The following BMP8A variants were observed in gnomAD, a reference collection of about 807,000 sequenced individuals.
The protein encoded by BMP8A is bone morphogenetic protein 8a, also known as BMP-8A.
A neutral mutation model predicts 36.8 loss-of-function variants in BMP8A; 14 were observed. The observed-to-expected ratio is 0.38, with a 90% CI of 0.25 to 0.60. The LOEUF (loss-of-function observed/expected upper bound fraction) is 0.60, where lower values mean the gene tolerates loss of function less well. BMP8A is among the 20% of genes least tolerant of loss of function. The pLI, the probability that BMP8A is intolerant of heterozygous loss-of-function variation, is 0.63. For synonymous variants in BMP8A, 120 were observed against 237.7 expected, an observed-to-expected ratio of 0.50 and a Z score of 4.55; for missense variants, 267 against 551.1, an observed-to-expected ratio of 0.48 and a Z score of 5.16.
intron 3 of BMP8A, among the ~76,000 whole-genome samples, chr1:39,513,723 G>C (rs1438788655): frequency 6.6e-6 from 1 of 151,872 alleles, no homozygotes; most frequent in East Asian, 1.9e-4. Flanking sequence ...TACAGGGACC[G>C]GTGAGCGTGA....
At chr1:39,503,849 G>A (rs1362431317) in intron 1 of BMP8A, among the ~76,000 whole-genome samples, 1 of 152,088 alleles carries the variant, frequency 6.6e-6, no homozygotes, top group East Asian at 1.9e-4. Flanking sequence ...GCTGAGGTGG[G>A]AGGATCACTT....
At chr1:39,505,558 A>G (rs1340586551) in intron 1 of BMP8A, among the ~76,000 whole-genome samples, 1 of 152,174 alleles carries the variant, frequency 6.6e-6, no homozygotes, top group East Asian at 1.9e-4. Flanking sequence ...ACACAGTAAC[A>G]GTCTGATTTC....
At chr1:39,497,451 G>A (rs753838616) in intron 1 of BMP8A, among the ~76,000 whole-genome samples, 14 of 152,240 alleles carry the variant, frequency 9.2e-5, no homozygotes, top group South Asian at 2.1e-4. Context: ...ACCATTGCTC[G>A]TTGGGTAGCT....
At chr1:39,498,713 T>C (rs912024089) in intron 1 of BMP8A, among the ~76,000 whole-genome samples, 2 of 152,042 alleles carry the variant, frequency 1.3e-5, no homozygotes, top group African/African-American at 4.8e-5. Context: ...CCAAGCCTTC[T>C]TTTGGGTCTG....
At chr1:39,504,263 A>G (rs1304561974) in intron 1 of BMP8A, among the ~76,000 whole-genome samples, 1 of 152,018 alleles carries the variant, frequency 6.6e-6, no homozygotes, top group Non-Finnish European at 1.5e-5. Flanking sequence ...ACCGGCACTC[A>G]GCATATGGAG....
intron 1 of BMP8A, among the ~76,000 whole-genome samples, chr1:39,510,210 G>A (rs1331191772): frequency 3.1e-4 from 39 of 125,458 alleles, no homozygotes; most frequent in Non-Finnish European, 5.9e-4. Context: ...CTCATGTGCC[G>A]TCCCCAACAT....
rs766959043 is a variant in BMP8A at position 39,492,284 on chromosome 1, G to T, written c.293G>T (p.Arg98Leu). The T allele has an allele frequency of 1.9e-6, 3 of 1,565,556 alleles. No individual in the cohort carries two copies. The highest frequency in any genetic ancestry group is 1.4e-5 in the African/African-American group (1 of 70,542). ...DDEDGAPAEQ[R>L]LGRADLVMSF... ...GAGGACGGCGCGCCCGCGGAGCAGC[G>T]CCTGGGCCGCGCCGACCTGGTCATG... is the stretch of plus-strand genomic sequence containing the variant. The change falls in exon 1 of 7, where the codon CGC becomes CTC. Residue 98 changes from arginine to leucine, a missense_variant. Physicochemically the swap from Arg to Leu is moderately radical, Grantham distance 102 (BLOSUM62 -2). Around this residue, in one of 7 missense-constraint regions of BMP8A, gnomAD observed 37 missense variants for 39.5 expected, o/e 0.94. Coordinates refer to ENST00000331593, the MANE Select transcript of BMP8A (RefSeq NM_181809.4).
rs968615410 is a variant in BMP8A, at chr1:39,529,371, C to T, written c.*3573C>T. 6.6e-6 allele frequency among the ~76,000 whole-genome samples: 1 copy of T among 152,246 alleles called. No individual in the cohort carries two copies. Among genetic ancestry groups the T allele is most frequent in the Non-Finnish European group, 1.5e-5 (1 of 68,012 alleles). On this transcript the variant is annotated 3_prime_UTR_variant, in exon 7 of 7. Coordinates refer to ENST00000331593, the MANE Select transcript of BMP8A (RefSeq NM_181809.4). ...GTGTGGCCCTGCACACTCGCCTGCT[C>T]GTGGAAGGAGTCTGGGCCAGCAGTG...
intron 1 of BMP8A, among the ~76,000 whole-genome samples, chr1:39,500,793 C>T (rs544934560): frequency 1.1e-4 from 16 of 152,200 alleles, no homozygotes; most frequent in African/African-American, 3.4e-4. Context: ...GCTGGGACTA[C>T]AGGTGCCCGC....
chr1:39,505,971 G>A, intron 1 of BMP8A, among the ~76,000 whole-genome samples: 1 of 101,684 alleles, frequency 9.8e-6, no homozygotes. Flanking sequence ...GGGTGACAGA[G>A]CAAGACCCTG....
intron 1 of BMP8A, among the ~76,000 whole-genome samples, chr1:39,506,563 G>A (rs577347697): frequency 6.6e-6 from 1 of 152,218 alleles, no homozygotes; most frequent in East Asian, 1.9e-4. Context: ...GTCATTAGGG[G>A]AAGCTATCAG....
rs1425177538 is a variant in BMP8A, at chr1:39,492,012, G to A, written c.21G>A (p.Pro7=). The change falls in exon 1 of 7, where the codon CCG becomes CCA. Residue 7 remains proline (P), a synonymous_variant. Coordinates refer to ENST00000331593, the MANE Select transcript of BMP8A (RefSeq NM_181809.4). ...CCGCCATGGCCGCGCGCCCCGGACC[G>A]CTCTGGCTTCTGGGCCTGACGTTGT... The part of the protein sequence containing the change: MAARPG[P]LWLLGLTLCA... The A allele has an allele frequency of 2.8e-6, 3 of 1,090,108 alleles. No individual in the cohort carries two copies. Among genetic ancestry groups the A allele is most frequent in the Non-Finnish European group, 3.3e-6 (3 of 898,662 alleles). 67.5% of individuals were successfully genotyped at this position (1,090,108 alleles called of 1,614,324 possible).
At chr1:39,496,610 C>G (rs1317248063) in intron 1 of BMP8A, among the ~76,000 whole-genome samples, 1 of 152,156 alleles carries the variant, frequency 6.6e-6, no homozygotes, top group Admixed American at 6.6e-5. Flanking sequence ...GCATCTCTTC[C>G]TTCATTGGTA....
In BMP8A at chr1:39,517,402, G is replaced by C. The variant is rs1187132574; in HGVS notation, c.674-3974G>C. On this transcript the variant is annotated intron_variant, in intron 3 of 6. Transcript: ENST00000331593. ...CCAGTCTCAGCTCACTGCAACCCCTGCTTCCTGGGTTCAAGCAATTCTCAT... is the reference window on the plus strand; with the variant it reads ...CCAGTCTCAGCTCACTGCAACCCCTCCTTCCTGGGTTCAAGCAATTCTCAT... Among the ~76,000 whole-genome samples the C allele has an allele frequency of 4.0e-5, 6 of 151,818 alleles. 1 individual carries two copies. Among genetic ancestry groups the C allele is most frequent in the Admixed American group, 1.3e-4 (2 of 15,226 alleles).
intron 1 of BMP8A, among the ~76,000 whole-genome samples, chr1:39,510,119 C>G (rs1256229763): frequency 1.4e-5 from 2 of 145,088 alleles, no homozygotes; most frequent in Non-Finnish European, 3.0e-5. Flanking sequence ...GCCCCCGTCC[C>G]CTGTGCTTCC....
At chr1:39,504,608 G>A (rs1319665285) in intron 1 of BMP8A, among the ~76,000 whole-genome samples, 1 of 152,248 alleles carries the variant, frequency 6.6e-6, no homozygotes, top group South Asian at 2.1e-4. Flanking sequence ...AGATGAAGGG[G>A]GCCTGCCCCT....
intron 3 of BMP8A, among the ~76,000 whole-genome samples, chr1:39,519,402 C>T (rs1282541967): frequency 7.3e-6 from 1 of 137,684 alleles, no homozygotes; most frequent in Non-Finnish European, 1.6e-5. Flanking sequence ...CCTTGTATTT[C>T]TGCTGCTTCC....
chr1:39,492,246 T>TGGC lies in BMP8A; in HGVS notation c.257_259dup (p.Gly86dup), dbSNP rs771166408. 9 of 1,559,418 alleles carry TGGC rather than the reference T, an allele frequency of 5.8e-6. No individual in the cohort carries two copies. Among genetic ancestry groups the TGGC allele is most frequent in the South Asian group, 1.1e-5 (1 of 88,120 alleles). Reference sequence around the variant, plus strand: ...TGCTGGACCTGTACCACGCCATGGCTGGCGACGACGACGAGGACGGCGCGC... The same window carrying TGGC: ...TGCTGGACCTGTACCACGCCATGGCTGGCGGCGACGACGACGAGGACGGCGCGC... On this transcript the variant is annotated inframe_insertion, in exon 1 of 7. Transcript: ENST00000331593.
chr1:39,520,500 TAC>T (rs2124375751), intron 3 of BMP8A, among the ~76,000 whole-genome samples: 1 of 101,090 alleles, frequency 9.9e-6, no homozygotes, highest in East Asian at 5.1e-4. Context: ...TACAGGATGA[TAC>T]ACAGTTTTAT....
Sources: gnomAD v4.1 joint callset for allele counts (sites outside exome capture counted in the v4.1 genomes callset) on GRCh38, gnomAD v4.1.1 for gene constraint, gnomAD v4.1.1 regional missense constraint, MANE v1.5 for transcripts, NCBI Gene and HGNC (gene_info 2026-07-23, HGNC 2026-07-21) for gene names.